The following CACNA1C variants were observed in gnomAD, a reference collection of about 807,000 sequenced individuals.
The protein encoded by CACNA1C is calcium voltage-gated channel subunit alpha1 C, also known as voltage-dependent L-type calcium channel subunit alpha-1C.
Under a neutral mutation model 229.0 loss-of-function variants are expected in CACNA1C, and 30 were observed. That is an observed-to-expected ratio of 0.13 (90% CI 0.10 to 0.18). CACNA1C has a LOEUF of 0.18. Ranked by LOEUF, CACNA1C falls within the 10% of genes least tolerant of loss-of-function variation. The probability of loss-of-function intolerance (pLI) is 1.00; values close to 1 mark genes in which losing one functional copy is unlikely to be tolerated. For synonymous variants in CACNA1C, 1,114 were observed against 1,132.5 expected, an observed-to-expected ratio of 0.98 and a Z score of 0.33; for missense variants, 1,658 against 2,845.0, an observed-to-expected ratio of 0.58 and a Z score of 9.49.
intron 3 of CACNA1C, among the ~76,000 whole-genome samples, chr12:2,214,661 C>G (rs1599368774): frequency 6.6e-6 from 1 of 151,884 alleles, no homozygotes; most frequent in Middle Eastern, 3.4e-3. Context: ...TCAGTGACTT[C>G]TCCCTGCTCC....
At position 2,449,064 on chromosome 12, in the gene CACNA1C, C is replaced by T; in HGVS notation, c.566C>T (p.Ala189Val). 1 of 1,591,488 alleles carries T rather than the reference C, an allele frequency of 6.3e-7. No homozygotes were observed. The highest frequency in any genetic ancestry group is 1.8e-5 in the Admixed American group (1 of 56,268). Residue 189 changes from alanine to valine, a missense_variant, in exon 4 of 47, where the codon GCC (alanine) becomes GTC (valine). Ala to Val is a moderately conservative substitution (Grantham distance 64). Around this residue, in one of 20 missense-constraint regions of CACNA1C, gnomAD observed 89 missense variants for 177.8 expected, o/e 0.50. Transcript: ENST00000399655. ...TATGGACTCCTCTTTCACCCCAATG[C>T]CTACCTCCGCAACGGCTGGAACCTA... ...IAYGLLFHPN[A>V]YLRNGWNLLD... is the part of the protein sequence containing the mutation.
chr12:2,220,880 AGAG>A (rs2154349926), intron 3 of CACNA1C: 1 of 151,290 alleles, frequency 6.6e-6, no homozygotes, highest in African/African-American at 2.5e-5. Flanking sequence ...CAAGAAGAGA[AGAG>A]AGAGAAAATT....
At chr12:2,464,490 A>G (rs892579423) in intron 5 of CACNA1C, among the ~76,000 whole-genome samples, 14 of 152,178 alleles carry the variant, frequency 9.2e-5, no homozygotes, top group Admixed American at 2.6e-4. Flanking sequence ...ATCAGAGCAG[A>G]GGCTCAAGCC....
chr12:2,473,556 A>G (rs1178081598), intron 5 of CACNA1C, among the ~76,000 whole-genome samples: 1 of 152,232 alleles, frequency 6.6e-6, no homozygotes, highest in African/African-American at 2.4e-5. Flanking sequence ...AAGGAAAGGT[A>G]CTAGAATCTT....
In CACNA1C at chr12:2,152,939, A is replaced by G. The variant is rs560849949; in HGVS notation, c.477+32509A>G. 6.6e-6 allele frequency among the ~76,000 whole-genome samples: 1 copy of G among 152,274 alleles called. No homozygotes were observed. Among genetic ancestry groups the G allele is most frequent in the South Asian group, 2.1e-4 (1 of 4,822 alleles). On this transcript the variant is annotated intron_variant, in intron 3 of 46. Coordinates refer to ENST00000399655, the MANE Select transcript of CACNA1C (RefSeq NM_000719.7). This position sits in a 1 kb window ranked among gnomAD's most constrained non-coding sequence, Gnocchi z 4.2. ...AACTGGATTCTCCTAGAGATTGGGA[A>G]TGGTGGCAGAAAAATTAAAATTGGG... is the stretch of plus-strand genomic sequence containing the variant.
At chr12:2,472,182 C>T (rs982658840) in intron 5 of CACNA1C, among the ~76,000 whole-genome samples, 7 of 152,142 alleles carry the variant, frequency 4.6e-5, no homozygotes, top group African/African-American at 1.7e-4. Context: ...TTGGGGCCAT[C>T]ATTTCTTCAA....
chr12:2,158,432 C>T (rs1054715759), intron 3 of CACNA1C, among the ~76,000 whole-genome samples: 9 of 152,094 alleles, frequency 5.9e-5, no homozygotes, highest in East Asian at 1.9e-4. Context: ...AAAAAATTAG[C>T]GAGGCTTGGT....
intron 1 of CACNA1C, among the ~76,000 whole-genome samples, chr12:1,972,384 G>T (rs999751879): frequency 6.6e-6 from 1 of 152,160 alleles, no homozygotes; most frequent in African/African-American, 2.4e-5. Context: ...TCTAGATCAA[G>T]CTTTAATAAA....
chr12:2,661,006 T>G (rs890947993), intron 34 of CACNA1C: 1 of 151,746 alleles, frequency 6.6e-6, no homozygotes, highest in South Asian at 2.1e-4. Flanking sequence ...ACCTGTAATC[T>G]CAACAACTTG....
At chr12:1,977,495 C>T (rs997877750) in intron 1 of CACNA1C, among the ~76,000 whole-genome samples, 2 of 152,190 alleles carry the variant, frequency 1.3e-5, no homozygotes, top group African/African-American at 4.8e-5. Context: ...CACATATACA[C>T]ATATAACAAT....
At chr12:2,177,607 T>C (rs1379187662) in intron 3 of CACNA1C, among the ~76,000 whole-genome samples, 1,984 of 100,526 alleles carry the variant, frequency 0.02, 95 homozygotes, top group African/African-American at 0.081. Flanking sequence ...CTTCCTTCCT[T>C]CCTTCCTTCC....
intron 13 of CACNA1C, among the ~76,000 whole-genome samples, chr12:2,578,160 G>T (rs552019404): frequency 1.3e-5 from 2 of 152,202 alleles, no homozygotes; most frequent in Non-Finnish European, 2.9e-5. Context: ...GAGCCACCGC[G>T]CCCGGCCAGA....
At chr12:2,194,150 T>C (rs2097327117) in intron 3 of CACNA1C, among the ~76,000 whole-genome samples, 1 of 150,402 alleles carries the variant, frequency 6.6e-6, no homozygotes, top group African/African-American at 2.5e-5. Context: ...CTCTCCCTCC[T>C]CCTCCTAGTG....
At chr12:2,617,804 G>C (rs774745433) in intron 29 of CACNA1C, among the ~76,000 whole-genome samples, 1 of 152,214 alleles carries the variant, frequency 6.6e-6, no homozygotes, top group Non-Finnish European at 1.5e-5. Flanking sequence ...GTTCGCATAT[G>C]GATGGGCAGA....
chr12:2,013,635 G>A (rs1024944739), intron 1 of CACNA1C, among the ~76,000 whole-genome samples: 1 of 152,176 alleles, frequency 6.6e-6, no homozygotes, highest in Non-Finnish European at 1.5e-5. Flanking sequence ...AATCTTGGGT[G>A]TTTTCAGGAC....
At chr12:2,036,277 A>T (rs953535787) in intron 1 of CACNA1C, among the ~76,000 whole-genome samples, 1 of 152,200 alleles carries the variant, frequency 6.6e-6, no homozygotes, top group African/African-American at 2.4e-5. Flanking sequence ...AGGAATGAGC[A>T]GTGGAGTGGG....
upstream of CACNA1C, among the ~76,000 whole-genome samples, chr12:2,049,856 G>A (rs2051813376): frequency 6.6e-6 from 1 of 152,174 alleles, no homozygotes; most frequent in Non-Finnish European, 1.5e-5. Context: ...CCTCGAAAGA[G>A]CACACCCAGG....
chr12:2,427,568 A>C (rs568544257), intron 3 of CACNA1C, among the ~76,000 whole-genome samples: 20 of 152,270 alleles, frequency 1.3e-4, no homozygotes, highest in African/African-American at 3.6e-4. Flanking sequence ...GTGGGATCTC[A>C]GCTGGGCCGA....
At chr12:2,588,813 T>G (rs1249576811) in intron 18 of CACNA1C, among the ~76,000 whole-genome samples, 1 of 152,038 alleles carries the variant, frequency 6.6e-6, no homozygotes, top group East Asian at 1.9e-4. Flanking sequence ...TTTATTTGAG[T>G]GAGCATGCAG....
Sources: gnomAD v4.1 joint callset for allele counts (sites outside exome capture counted in the v4.1 genomes callset) on GRCh38, gnomAD v4.1.1 for gene constraint, gnomAD v4.1.1 regional missense constraint, Gnocchi (gnomAD v3.1) non-coding constraint, MANE v1.5 for transcripts, NCBI Gene and HGNC (gene_info 2026-07-23, HGNC 2026-07-21) for gene names.